The following COPG1 variants were observed in gnomAD, a reference collection of about 807,000 sequenced individuals.
COPG1 encodes the protein coat protein complex I subunit gamma 1.
Under a neutral mutation model 102.8 loss-of-function variants are expected in COPG1, and 29 were observed. The observed-to-expected ratio is 0.28, with a 90% CI of 0.21 to 0.38. COPG1 has a LOEUF of 0.38. Among genes scored for constraint, COPG1 ranks in the 10% least tolerant of loss-of-function variants. The pLI is 1.00. For missense variants in COPG1, 875 were observed against 1,132.7 expected (o/e 0.77, Z 3.27); for synonymous variants, 406 against 421.6 (o/e 0.96, Z 0.45).
At chr3:129,273,047 A>C (rs2107679558) in intron 21 of COPG1, 143 bp downstream of exon 21, 1 of 418,860 alleles carries the variant, frequency 2.4e-6, no homozygotes, top group South Asian at 5.1e-5. Context: ...TTTGAGATGA[A>C]GTTTCTCTTT....
Position 129,249,803 on chromosome 3 carries a change from C to T in COPG1, c.37+57C>T, listed in dbSNP as rs1027997032. Reference sequence around the variant, plus strand: ...CCGGACCCCCACCCGCCGAGCTTTCCTTCTGGTTCTCTGTCCTGACCCGGA... The same window carrying T: ...CCGGACCCCCACCCGCCGAGCTTTCTTTCTGGTTCTCTGTCCTGACCCGGA... On this transcript the variant is annotated intron_variant, in intron 1 of 23. Coordinates refer to ENST00000314797, the MANE Select transcript of COPG1 (RefSeq NM_016128.4). 8 of 1,534,608 alleles carry T rather than the reference C, an allele frequency of 5.2e-6. No homozygotes were observed. In the Admixed American group the frequency reaches 7.9e-5, roughly 15 times the overall value.
chr3:129,268,072 C>T (rs1169346608), intron 16 of COPG1, 32 bp downstream of exon 16: 2 of 1,541,614 alleles, frequency 1.3e-6, no homozygotes, highest in Non-Finnish European at 9.0e-7. Context: ...TTGGACTCAG[C>T]ACCTTACTGG....
chr3:129,254,761 C>T lies in COPG1; in HGVS notation c.399+18C>T, dbSNP rs114317779. On this transcript the variant is annotated intron_variant, in intron 6 of 23. Coordinates refer to ENST00000314797, the MANE Select transcript of COPG1 (RefSeq NM_016128.4). ...TCACTGATGTGAGTCGTGCCGGTTC[C>T]TCCCTGCTTCCTGGCCTCTTGATTG... 6.0e-5 allele frequency: 96 copies of T among 1,609,274 alleles called. No individual in the cohort carries two copies. In the African/African-American group the frequency reaches 1.1e-3, roughly 19 times the overall value.
At position 129,260,177 on chromosome 3, in the gene COPG1, G is replaced by A. The variant is rs988688184; in HGVS notation, c.872-156G>A. 12 of 685,718 alleles carry A rather than the reference G, an allele frequency of 1.7e-5. No homozygotes were observed. The African/African-American group carries it at 2.1e-4, about 12-fold the overall frequency. The allele number at this position is 685,718 out of a possible 1,614,324, so 42.5% of individuals were successfully genotyped here. A position where few individuals can be genotyped will look rare whatever the true frequency, so the allele number is the denominator to read the frequency against. On this transcript the variant is annotated intron_variant, in intron 10 of 23. Coordinates refer to ENST00000314797, the MANE Select transcript of COPG1 (RefSeq NM_016128.4). ...TATGGCCTCTGTCCATGGCTCAGGT[G>A]CGCAGGGTGAGGGGAGCTCTGTGTC...
chr3:129,257,475 C>T lies in COPG1; in HGVS notation c.585C>T (p.His195=), dbSNP rs755610468. Residue 195 remains histidine, a synonymous_variant, in exon 9 of 24, where the codon CAC becomes CAT. Coordinates refer to ENST00000314797, the MANE Select transcript of COPG1 (RefSeq NM_016128.4). The stretch of plus-strand genomic sequence containing the variant: ...TGCTGTCTCCTGTCCTATAGTACCA[C>T]GCACTAGGGCTCCTGTACCATGTGC... The part of the protein sequence containing the change: ...ASSDNIMVQY[H]ALGLLYHVRK... The T allele has an allele frequency of 3.5e-5, 57 of 1,614,044 alleles. No homozygotes were observed. The highest frequency in any genetic ancestry group is 3.3e-5 in the South Asian group (3 of 91,084).
At position 129,275,089 on chromosome 3, in the gene COPG1, T is replaced by C. The variant is rs1940240839; in HGVS notation, c.2396-105T>C. 7 of 1,492,452 alleles carry C rather than the reference T, an allele frequency of 4.7e-6. No individual in the cohort carries two copies. Among genetic ancestry groups the C allele is most frequent in the Non-Finnish European group, 6.5e-6 (7 of 1,075,920 alleles). The allele number at this position is 1,492,452 out of a possible 1,614,324, so 92.5% of individuals were successfully genotyped here. On this transcript the variant is annotated intron_variant, in intron 22 of 23. Coordinates refer to ENST00000314797, the MANE Select transcript of COPG1 (RefSeq NM_016128.4). The surrounding 1 kb of genome is among the most constrained non-coding windows in gnomAD (Gnocchi z 5.0). ...GATCCAGGGCCATGTCTGGAGCACA[T>C]ATGTCAAATGCCACTTCATTAAAAG...
In COPG1 at chr3:129,249,647, C is replaced by T. The variant is rs1160276347; in HGVS notation, c.-63C>T. The T allele has an allele frequency of 6.5e-7, 1 of 1,541,894 alleles. No homozygotes were observed. Among genetic ancestry groups the T allele is most frequent in the Non-Finnish European group, 8.8e-7 (1 of 1,140,090 alleles). The stretch of plus-strand genomic sequence containing the variant: ...TGGTCCCTGTAGAACCACTGTGGCA[C>T]CGCTACTCCGTGCCGCGCCCGTCGA... On this transcript the variant is annotated 5_prime_UTR_variant, in exon 1 of 24. Transcript: ENST00000314797.
chr3:129,274,185 AG>A, intron 21 of COPG1: 7 of 435,112 alleles, frequency 1.6e-5, no homozygotes, highest in Admixed American at 5.5e-5. Context: ...CCAGAGATGA[AG>A]AAAAAAAAAA....
chr3:129,249,617 G>T lies in COPG1; in HGVS notation c.-93G>T. On this transcript the variant is annotated 5_prime_UTR_variant, in exon 1 of 24. Coordinates refer to ENST00000314797, the MANE Select transcript of COPG1 (RefSeq NM_016128.4). ...TGGGCGACGTGGCCAGTCGGGGCCCGGAAGTGGTCCCTGTAGAACCACTGT... is the reference window on the plus strand; with the variant it reads ...TGGGCGACGTGGCCAGTCGGGGCCCTGAAGTGGTCCCTGTAGAACCACTGT... 7.0e-7 allele frequency: 1 copy of T among 1,420,148 alleles called. No individual in the cohort carries two copies. The highest frequency in any genetic ancestry group is 1.3e-5 in the South Asian group (1 of 79,674). 88.0% of individuals were successfully genotyped at this position (1,420,148 alleles called of 1,614,324 possible).
At position 129,267,956 on chromosome 3, in the gene COPG1, A is replaced by C. The variant is rs147127344; in HGVS notation, c.1564A>C (p.Asn522His). 1 of 1,614,040 alleles carries C rather than the reference A, an allele frequency of 6.2e-7. No individual in the cohort carries two copies. ...LLKRCVMDDD[N>H]EVRDRATFYL... ...CTGCAGGTGTGTGATGGATGATGAC[A>C]ATGAAGTAAGGGACCGAGCCACCTT... Residue 522 changes from asparagine to histidine, a missense_variant, in exon 16 of 24, where the codon AAT becomes CAT. Transcript: ENST00000314797.
In COPG1 at chr3:129,260,626, T is replaced by A. The variant is rs1295531928; in HGVS notation, c.947T>A (p.Met316Lys). 6.2e-7 allele frequency: 1 copy of A among 1,614,102 alleles called. No individual in the cohort carries two copies. The highest frequency in any genetic ancestry group is 2.2e-5 in the East Asian group (1 of 44,882). The change falls in exon 12 of 24, where the codon ATG becomes AAG. Residue 316 changes from methionine (M) to lysine (K), a missense_variant. Coordinates refer to ENST00000314797, the MANE Select transcript of COPG1 (RefSeq NM_016128.4). ...ACTGTCCTCCCAAAACAGGTTGCCA[T>A]GAAGCATCCGTCAGCTGTGACAGCT... is the stretch of plus-strand genomic sequence containing the variant. ...AAVRTLNKVA[M>K]KHPSAVTACN... is the part of the protein sequence containing the mutation.
At chr3:129,272,490 C>G in intron 20 of COPG1, 75 bp downstream of exon 20, 1 of 1,243,564 alleles carries the variant, frequency 8.0e-7, no homozygotes, top group South Asian at 1.4e-5. Context: ...GGCTGGGCAC[C>G]AGCTGTTTGC....
chr3:129,275,232 C>T lies in COPG1; in HGVS notation c.2434C>T (p.Pro812Ser). 1 of 1,614,018 alleles carries T rather than the reference C, an allele frequency of 6.2e-7. No individual in the cohort carries two copies. The highest frequency in any genetic ancestry group is 8.5e-7 in the Non-Finnish European group (1 of 1,180,006). ...TATTGTGAAGTTCTTGGGAATGCAC[C>T]CTTGTGAGAGGTCAGACAAAGTGCC... ...GNIVKFLGMH[P>S]CERSDKVPDN... Residue 812 changes from proline (P) to serine (S), a missense_variant, in exon 23 of 24, where the codon CCT becomes TCT. By Grantham distance (74) the Pro-to-Ser change is moderately conservative. Coordinates refer to ENST00000314797, the MANE Select transcript of COPG1 (RefSeq NM_016128.4). This position sits in a 1 kb window ranked among gnomAD's most constrained non-coding sequence, Gnocchi z 5.0.
In COPG1 at chr3:129,262,256, T is replaced by G. The variant is rs796366330; in HGVS notation, c.1128+1449T>G. ...TAGCAAGACCTCATCTCTACAAATT[T>G]TTTTTTTTTTTTTTGAGTTGGAGTC... is the stretch of plus-strand genomic sequence containing the variant. On this transcript the variant is annotated intron_variant, in intron 12 of 23. Transcript: ENST00000314797. Among the ~76,000 whole-genome samples, 8 of 150,116 alleles carry G rather than the reference T, an allele frequency of 5.3e-5. No individual in the cohort carries two copies. In the South Asian group the frequency reaches 1.7e-3, roughly 32 times the overall value.
chr3:129,267,445 C>G (rs932851788), intron 15 of COPG1, among the ~76,000 whole-genome samples: 1 of 152,114 alleles, frequency 6.6e-6, no homozygotes, highest in African/African-American at 2.4e-5. Flanking sequence ...CACGCTGAAA[C>G]CCCGTCTCTA....
intron 23 of COPG1, 144 bp from the exon 24 acceptor site, chr3:129,277,150 C>A: frequency 1.3e-6 from 1 of 785,792 alleles, no homozygotes; most frequent in Middle Eastern, 3.9e-4. Context: ...CAGTGAAATC[C>A]CTCACTCAGG....
In COPG1 at chr3:129,271,652, A is replaced by G. The variant is rs566159625; in HGVS notation, c.1844-115A>G. 2,212 of 1,249,906 alleles carry G rather than the reference A, an allele frequency of 1.8e-3. 6 individuals are homozygous for G. Among genetic ancestry groups the G allele is most frequent in the Non-Finnish European group, 2.4e-3 (2,110 of 888,470 alleles). 77.4% of individuals were successfully genotyped at this position (1,249,906 alleles called of 1,614,324 possible). ...AGTAGCCAGTTGGGTAAACATATCTATCCATCTAAGGTAGGGTGGAACACC... is the reference window on the plus strand; with the variant it reads ...AGTAGCCAGTTGGGTAAACATATCTGTCCATCTAAGGTAGGGTGGAACACC... On this transcript the variant is annotated intron_variant, in intron 18 of 23. Transcript: ENST00000314797. This position sits in a 1 kb window ranked among gnomAD's most constrained non-coding sequence, Gnocchi z 4.7.
At position 129,268,760 on chromosome 3, in the gene COPG1, C is replaced by T. The variant is rs1940121041; in HGVS notation, c.1774+140C>T. 9 of 1,194,908 alleles carry T rather than the reference C, an allele frequency of 7.5e-6. No homozygotes were observed. In the South Asian group the frequency reaches 9.6e-5, roughly 13 times the overall value. The allele number at this position is 1,194,908 out of a possible 1,614,324, so 74.0% of individuals were successfully genotyped here. A position where few individuals can be genotyped will look rare whatever the true frequency, so the allele number is the denominator to read the frequency against. On this transcript the variant is annotated intron_variant, in intron 17 of 23. Transcript: ENST00000314797. Reference sequence around the variant, plus strand: ...GAAATGATCTTTTCCACCTCTGGCTCCAGAAAATAGAGACACACATACACA... The same window carrying T: ...GAAATGATCTTTTCCACCTCTGGCTTCAGAAAATAGAGACACACATACACA...
At position 129,267,908 on chromosome 3, in the gene COPG1, G is replaced by T. The variant is rs147201484; in HGVS notation, c.1545-29G>T. The T allele has an allele frequency of 3.2e-4, 503 of 1,590,792 alleles. No individual in the cohort carries two copies. In the African/African-American group the frequency reaches 5.3e-3, roughly 17 times the overall value. On this transcript the variant is annotated intron_variant, in intron 15 of 23. Coordinates refer to ENST00000314797, the MANE Select transcript of COPG1 (RefSeq NM_016128.4). ...CTCCTGCCATCCCTGCTGGGTCCCA[G>T]TCAGGACCACCTTGTGTCCTGGCTG...
Sources: allele counts gnomAD v4.1 joint callset (sites outside exome capture counted in the v4.1 genomes callset), GRCh38; gene constraint gnomAD v4.1.1; non-coding constraint Gnocchi (gnomAD v3.1); transcripts MANE v1.5; gene names NCBI Gene and HGNC (gene_info 2026-07-23, HGNC 2026-07-21).